RSU1: variants seen among roughly 807,000 people sequenced by gnomAD.
The protein encoded by RSU1 is Ras suppressor protein 1.
Under a neutral mutation model 31.1 loss-of-function variants are expected in RSU1, and 26 were observed. The observed-to-expected ratio is 0.84, with a 90% CI of 0.61 to 1.16. RSU1 has a LOEUF of 1.16. Ranked by LOEUF, RSU1 falls within the 50% of genes most tolerant of loss-of-function variation. RSU1 has a pLI of 0.00. For synonymous variants in RSU1, 164 were observed against 136.3 expected (o/e 1.20, Z -1.41); for missense variants, 320 against 339.1 (o/e 0.94, Z 0.44).
chr10:16,645,587 C>T (rs1025495915), intron 8 of RSU1, among the ~76,000 whole-genome samples: 24 of 151,886 alleles, frequency 1.6e-4, no homozygotes, highest in South Asian at 1.0e-3. Context: ...GCGGGCGGAT[C>T]GCTTGAGCTC....
At chr10:16,731,964 G>C (rs77742740) in intron 7 of RSU1, among the ~76,000 whole-genome samples, 20,555 of 152,170 alleles carry the variant, frequency 0.14, 1,695 homozygotes, top group Middle Eastern at 0.18. Context: ...TTCCTAGACA[G>C]AATCTATGGC....
At chr10:16,787,081 C>G (rs899045668) in intron 2 of RSU1, among the ~76,000 whole-genome samples, 10 of 152,116 alleles carry the variant, frequency 6.6e-5, no homozygotes, top group Non-Finnish European at 1.2e-4. Context: ...TCTGCCCAGG[C>G]TCTCCTGACA....
At chr10:16,660,605 T>A (rs1404924323) in intron 8 of RSU1, among the ~76,000 whole-genome samples, 1 of 151,580 alleles carries the variant, frequency 6.6e-6, no homozygotes, top group Non-Finnish European at 1.5e-5. Context: ...TTTTGTGTTA[T>A]CTTTTTCATG....
At chr10:16,656,109 G>A (rs1160743050) in intron 8 of RSU1, among the ~76,000 whole-genome samples, 1 of 152,022 alleles carries the variant, frequency 6.6e-6, no homozygotes, top group Non-Finnish European at 1.5e-5. Context: ...AAATTAGGTT[G>A]CACATAATAA....
rs147804900 is a variant in RSU1 at position 16,597,910 on chromosome 10, A to G, written c.732-4414T>C. ...TTAACTCCTCCAGCTGTGTGGGCAG[A>G]TGAGAGCTGGCGTTTTACTAAGCGG... is the stretch of plus-strand genomic sequence containing the variant. On this transcript the variant is annotated intron_variant, in intron 8 of 8. Transcript: ENST00000345264. Among the ~76,000 whole-genome samples the G allele has an allele frequency of 4.6e-5, 7 of 152,338 alleles. No individual in the cohort carries two copies. The East Asian group carries it at 1.2e-3, about 25-fold the overall frequency.
At chr10:16,599,198 T>C (rs1212944929) in intron 8 of RSU1, among the ~76,000 whole-genome samples, 1 of 152,236 alleles carries the variant, frequency 6.6e-6, no homozygotes, top group Non-Finnish European at 1.5e-5. Flanking sequence ...TTGCAGTTCC[T>C]GAGAGGAAAG....
chr10:16,627,095 A>T lies in RSU1; in HGVS notation c.732-33599T>A, dbSNP rs141989926. Among the ~76,000 whole-genome samples the T allele has an allele frequency of 5.2e-3, 798 of 152,342 alleles. 7 individuals are homozygous for T. The highest frequency in any genetic ancestry group is 0.018 in the African/African-American group (756 of 41,590). On this transcript the variant is annotated intron_variant, in intron 8 of 8. Transcript: ENST00000345264. ...GAAGTATTCACCAATTTATAATATC[A>T]CTTCACTGACAGGACGACCAGTTCT...
chr10:16,737,312 C>T (rs1356876010), intron 7 of RSU1, among the ~76,000 whole-genome samples: 1 of 151,558 alleles, frequency 6.6e-6, no homozygotes, highest in Non-Finnish European at 1.5e-5. Context: ...AAATAAAGAA[C>T]ATGTTACATG....
intron 8 of RSU1, among the ~76,000 whole-genome samples, chr10:16,619,121 C>A (rs766576156): frequency 6.6e-6 from 1 of 152,160 alleles, no homozygotes; most frequent in Non-Finnish European, 1.5e-5. Context: ...CCAAAATACT[C>A]AAAACACGTC....
At chr10:16,788,597 A>C (rs1478399632) in intron 2 of RSU1, among the ~76,000 whole-genome samples, 1 of 152,202 alleles carries the variant, frequency 6.6e-6, no homozygotes, top group African/African-American at 2.4e-5. Context: ...ACGAATAAAA[A>C]ACTTCTGTTG....
Position 16,793,736 on chromosome 10 carries a change from G to A in RSU1, c.110-11652C>T, listed in dbSNP as rs116238721. On this transcript the variant is annotated intron_variant, in intron 2 of 8. Transcript: ENST00000345264. ...TTGGTGGGACAGGGATAGAATATGA[G>A]TGAGATGCAGCTGCTGCCCTCAATG... Among the ~76,000 whole-genome samples, 1,076 of 152,118 alleles carry A rather than the reference G, an allele frequency of 7.1e-3. 14 individuals are homozygous for A. Among genetic ancestry groups the A allele is most frequent in the African/African-American group, 0.023 (934 of 41,476 alleles).
chr10:16,596,359 T>C (rs1465815648), intron 8 of RSU1, among the ~76,000 whole-genome samples: 1 of 152,188 alleles, frequency 6.6e-6, no homozygotes, highest in African/African-American at 2.4e-5. Context: ...ATGCTCAAAG[T>C]AGATCCCTCC....
chr10:16,757,982 A>T (rs1837132701), intron 4 of RSU1, among the ~76,000 whole-genome samples: 1 of 152,212 alleles, frequency 6.6e-6, no homozygotes, highest in South Asian at 2.1e-4. Flanking sequence ...GCTCCCACTC[A>T]ATCTTCAGCC....
chr10:16,676,441 C>T (rs1012436612), intron 8 of RSU1, among the ~76,000 whole-genome samples: 1 of 152,096 alleles, frequency 6.6e-6, no homozygotes, highest in Non-Finnish European at 1.5e-5. Flanking sequence ...TGAGAAAAAC[C>T]CACCCCTATG....
chr10:16,746,962 C>A (rs998106489), intron 7 of RSU1, among the ~76,000 whole-genome samples: 1 of 152,146 alleles, frequency 6.6e-6, no homozygotes, highest in Non-Finnish European at 1.5e-5. Flanking sequence ...ACTGTCCTGT[C>A]CTGGCCGAGT....
chr10:16,688,248 A>AAAACTTTGAAT (rs1835474772), intron 8 of RSU1, among the ~76,000 whole-genome samples: 1 of 152,206 alleles, frequency 6.6e-6, no homozygotes, highest in African/African-American at 2.4e-5. Context: ...AAATAGGTCC[A>AAAACTTTGAAT]CAGATGCCAA....
intron 8 of RSU1, among the ~76,000 whole-genome samples, chr10:16,677,290 CTG>C (rs1456645218): frequency 6.6e-6 from 1 of 152,156 alleles, no homozygotes; most frequent in East Asian, 1.9e-4. Context: ...CAGAGGCAAA[CTG>C]TGAACCTACA....
chr10:16,766,290 G>T (rs1157587015), intron 3 of RSU1, among the ~76,000 whole-genome samples: 2 of 152,228 alleles, frequency 1.3e-5, no homozygotes, highest in African/African-American at 4.8e-5. Flanking sequence ...CTCCCTCTGG[G>T]ATACCTGCAG....
intron 8 of RSU1, among the ~76,000 whole-genome samples, chr10:16,670,602 A>G (rs1835087752): frequency 6.6e-6 from 1 of 152,126 alleles, no homozygotes; most frequent in Non-Finnish European, 1.5e-5. Context: ...CTGAATTCCA[A>G]GCCCATAAGA....
Sources: allele counts gnomAD v4.1 joint callset (sites outside exome capture counted in the v4.1 genomes callset), GRCh38; gene constraint gnomAD v4.1.1; transcripts MANE v1.5; gene names NCBI Gene and HGNC (gene_info 2026-07-23, HGNC 2026-07-21).